NUSAP1: variants seen among roughly 807,000 people sequenced by gnomAD.
NUSAP1 encodes nucleolar and spindle-associated protein 1.
NUSAP1 carries 32 observed loss-of-function variants against 52.8 expected under a neutral mutation model. The observed-to-expected ratio is 0.61, with a 90% CI of 0.46 to 0.81. The LOEUF is 0.81. Ranked by LOEUF, NUSAP1 falls within the 40% of genes least tolerant of loss-of-function variation. NUSAP1 has a pLI of 0.00. For synonymous variants in NUSAP1, 195 were observed against 183.1 expected (o/e 1.06, Z -0.52); for missense variants, 499 against 522.3 (o/e 0.96, Z 0.43).
At position 41,363,323 on chromosome 15, in the gene NUSAP1, G is replaced by GTC. The variant is rs1274155467; in HGVS notation, c.661-2078_661-2077insCT. On this transcript the variant is annotated intron_variant, in intron 6 of 10. Transcript: ENST00000559596. ...AAAAAGATCTTGCCTGTCTGTGTGT[G>GTC]TGTCTCTCTCTCTCTCTATATATAT... Among the ~76,000 whole-genome samples the GTC allele has an allele frequency of 2.5e-3, 360 of 146,288 alleles. 2 individuals carry two copies. Among genetic ancestry groups the GTC allele is most frequent in the South Asian group, 4.0e-3 (19 of 4,730 alleles).
At position 41,377,323 on chromosome 15, in the gene NUSAP1, A is replaced by G. The variant is rs1262409083; in HGVS notation, c.1232+19A>G. 4 of 1,257,072 alleles carry G rather than the reference A, an allele frequency of 3.2e-6. No individual in the cohort carries two copies. The South Asian group carries it at 4.1e-5, about 13-fold the overall frequency. 77.9% of individuals were successfully genotyped at this position (1,257,072 alleles called of 1,614,324 possible). A position where few individuals can be genotyped will look rare whatever the true frequency, so the allele number is the denominator to read the frequency against. On this transcript the variant is annotated intron_variant, in intron 10 of 10. Coordinates refer to ENST00000559596, the MANE Select transcript of NUSAP1 (RefSeq NM_016359.5). ...AGACAAAGTAAGTACATAATTATCCAGCTTTATAATTATTTTAATTTCAAA... is the reference window on the plus strand; with the variant it reads ...AGACAAAGTAAGTACATAATTATCCGGCTTTATAATTATTTTAATTTCAAA...
At chr15:41,339,708 G>A (rs2048307692) in intron 1 of NUSAP1, among the ~76,000 whole-genome samples, 1 of 152,056 alleles carries the variant, frequency 6.6e-6, no homozygotes, top group Admixed American at 6.6e-5. Flanking sequence ...ACCACACCCA[G>A]CCTACTTTGA....
At position 41,365,575 on chromosome 15, in the gene NUSAP1, TA is replaced by T; in HGVS notation, c.838del (p.Thr280ArgfsTer18). The T allele has an allele frequency of 6.3e-7, 1 of 1,597,060 alleles. No individual in the cohort carries two copies. The highest frequency in any genetic ancestry group is 8.6e-7 in the Non-Finnish European group (1 of 1,167,974). On this transcript the variant is annotated frameshift_variant, in exon 7 of 11. Coordinates refer to ENST00000559596, the MANE Select transcript of NUSAP1 (RefSeq NM_016359.5). LOFTEE classifies it high-confidence loss of function. Reference sequence around the variant, plus strand: ...TCAAGCGCTCTGCTATCTCTGCAGCTAAAACGGGTGTCAGGTAAAGAAATCA... The same window carrying T: ...TCAAGCGCTCTGCTATCTCTGCAGCTAAACGGGTGTCAGGTAAAGAAATCA... ...SLKRSAISAA[K>X]TGVRFSAATK...
At chr15:41,376,605 G>A (rs2049947536) in intron 9 of NUSAP1, among the ~76,000 whole-genome samples, 1 of 149,144 alleles carries the variant, frequency 6.7e-6, no homozygotes, top group Non-Finnish European at 1.5e-5. Flanking sequence ...GTGGGAGAAT[G>A]GTGTGAACCC....
At position 41,374,324 on chromosome 15, in the gene NUSAP1, C is replaced by T. The variant is rs1023462109; in HGVS notation, c.1007-1388C>T. ...GCATGATTCTGGTGAGGGCTGTTTT[C>T]CAGGTAGCAGACTACCAACTTCTTG... On this transcript the variant is annotated intron_variant, in intron 8 of 10. Coordinates refer to ENST00000559596, the MANE Select transcript of NUSAP1 (RefSeq NM_016359.5). 4.6e-5 allele frequency among the ~76,000 whole-genome samples: 7 copies of T among 152,086 alleles called. No individual in the cohort carries two copies. In the South Asian group the frequency reaches 1.0e-3, roughly 23 times the overall value.
At chr15:41,358,030 T>C (rs1430376306) in intron 5 of NUSAP1, 119 bp from the exon 6 acceptor site, 1 of 514,600 alleles carries the variant, frequency 1.9e-6, no homozygotes, top group Admixed American at 3.9e-5. Context: ...TTAGCAAAAA[T>C]TATATTGAAG....
chr15:41,348,644 C>CTTGT (rs1475095300), intron 2 of NUSAP1, among the ~76,000 whole-genome samples: 9 of 151,916 alleles, frequency 5.9e-5, no homozygotes, highest in South Asian at 2.1e-4. Context: ...TGTTTGTTTG[C>CTTGT]TTGTTTGTTT....
chr15:41,377,731 A>G (rs112541952), intron 10 of NUSAP1, among the ~76,000 whole-genome samples: 1,946 of 106,488 alleles, frequency 0.018, 23 homozygotes, highest in Non-Finnish European at 0.027. Flanking sequence ...TGGGCCAGGC[A>G]CGGTGGCTCA....
chr15:41,348,553 T>C (rs2048665647), intron 2 of NUSAP1, among the ~76,000 whole-genome samples: 1 of 152,154 alleles, frequency 6.6e-6, no homozygotes, highest in Non-Finnish European at 1.5e-5. Context: ...AAAATAACTT[T>C]GAATACTTTA....
intron 6 of NUSAP1, among the ~76,000 whole-genome samples, chr15:41,361,257 G>GT (rs1595573828): frequency 6.6e-6 from 1 of 152,024 alleles, no homozygotes; most frequent in East Asian, 1.9e-4. Flanking sequence ...TCTTGGCATG[G>GT]TGGCGCATGT....
At chr15:41,349,347 G>C in intron 3 of NUSAP1, 106 bp downstream of exon 3, 2 of 1,142,048 alleles carry the variant, frequency 1.8e-6, no homozygotes, top group Non-Finnish European at 1.3e-6. Context: ...TGTTTGTAAG[G>C]TTACTGTGTG....
intron 1 of NUSAP1, among the ~76,000 whole-genome samples, chr15:41,340,684 A>G (rs187499766): frequency 6.6e-6 from 1 of 152,318 alleles, no homozygotes; most frequent in African/African-American, 2.4e-5. Flanking sequence ...TTAAGAGAGT[A>G]TTAGAAAAAT....
chr15:41,378,744 T>C (rs924022524), intron 10 of NUSAP1, among the ~76,000 whole-genome samples: 1 of 151,854 alleles, frequency 6.6e-6, no homozygotes, highest in African/African-American at 2.4e-5. Flanking sequence ...CACTACAGCC[T>C]GGGCAACAAG....
At chr15:41,349,399 A>G in intron 3 of NUSAP1, 158 bp downstream of exon 3, 2 of 635,678 alleles carry the variant, frequency 3.1e-6, no homozygotes, top group East Asian at 2.8e-5. Context: ...CCAGCTGCTC[A>G]TCACTGCATC....
At chr15:41,380,061 C>T (rs770088609) in intron 10 of NUSAP1, 32 bp from the exon 11 acceptor site, 33 of 1,512,430 alleles carry the variant, frequency 2.2e-5, no homozygotes, top group African/African-American at 6.9e-5. Flanking sequence ...TGGAGCCTCC[C>T]TAGAGCTTAA....
intron 7 of NUSAP1, among the ~76,000 whole-genome samples, chr15:41,371,233 C>T (rs746561506): frequency 1.3e-5 from 2 of 152,120 alleles, no homozygotes; most frequent in Non-Finnish European, 2.9e-5. Context: ...TGGCTTGCCT[C>T]TTGGACTATA....
Position 41,371,586 on chromosome 15 carries a change from G to A in NUSAP1, c.908G>A (p.Arg303Lys). ...HKRSLTKTPA[R>K]KSAHVTVSGG... ...CGTTCACTGACCAAGACTCCAGCCA[G>A]AAAGTCTGCACATGTGACCGTGTCT... The change falls in exon 8 of 11, where the codon AGA (arginine) becomes AAA (lysine). Residue 303 changes from arginine (R) to lysine (K), a missense_variant. Transcript: ENST00000559596. The A allele has an allele frequency of 1.2e-6, 2 of 1,611,682 alleles. No individual in the cohort carries two copies. Among genetic ancestry groups the A allele is most frequent in the Admixed American group, 3.4e-5 (2 of 59,060 alleles).
At chr15:41,341,865 A>G (rs905872470) in intron 1 of NUSAP1, among the ~76,000 whole-genome samples, 5 of 152,190 alleles carry the variant, frequency 3.3e-5, no homozygotes, top group African/African-American at 1.2e-4. Flanking sequence ...AAGGCCTGGT[A>G]ACATCACGGC....
chr15:41,340,276 T>A (rs1486261623), intron 1 of NUSAP1, among the ~76,000 whole-genome samples: 1 of 152,110 alleles, frequency 6.6e-6, no homozygotes, highest in African/African-American at 2.4e-5. Context: ...ACCTGCTGCC[T>A]CTTTCCTCAT....
Sources: gnomAD v4.1 joint callset for allele counts (sites outside exome capture counted in the v4.1 genomes callset) on GRCh38, gnomAD v4.1.1 for gene constraint, MANE v1.5 for transcripts, NCBI Gene and HGNC (gene_info 2026-07-23, HGNC 2026-07-21) for gene names.